The following PCYT1A variants were observed in gnomAD, a reference collection of about 807,000 sequenced individuals.
PCYT1A encodes the protein choline-phosphate cytidylyltransferase A.
A neutral mutation model predicts 43.7 loss-of-function variants in PCYT1A; 25 were observed. The observed-to-expected ratio is 0.57, with a 90% CI of 0.42 to 0.80. The LOEUF (loss-of-function observed/expected upper bound fraction) is 0.80. PCYT1A is among the 30% of genes least tolerant of loss of function. The pLI is 0.00. For synonymous variants in PCYT1A, 172 were observed against 170.7 expected (o/e 1.01, Z -0.06); for missense variants, 421 against 474.2 (o/e 0.89, Z 1.04).
intron 1 of PCYT1A, among the ~76,000 whole-genome samples, chr3:196,275,529 T>G (rs899815315): frequency 6.6e-6 from 1 of 151,640 alleles, no homozygotes; most frequent in African/African-American, 2.4e-5. Context: ...GGTCAAGAGA[T>G]CGAGACCATC....
intron 1 of PCYT1A, among the ~76,000 whole-genome samples, chr3:196,284,254 C>T (rs1450595860): frequency 2.0e-5 from 3 of 152,254 alleles, no homozygotes; most frequent in Admixed American, 6.5e-5. Flanking sequence ...TTTATTTGAG[C>T]ATTTCAAAAA....
Position 196,282,583 on chromosome 3 carries a change from T to C in PCYT1A, c.-11+5032A>G, listed in dbSNP as rs1431563600. On this transcript the variant is annotated intron_variant, in intron 1 of 8. Transcript: ENST00000431016. The surrounding 1 kb of genome is among the most constrained non-coding windows in gnomAD (Gnocchi z 4.3). Reference sequence around the variant, plus strand: ...TGGATATTTTCATACCATATCATACTTCTTAAATTTTGATAACTATATATC... The same window carrying C: ...TGGATATTTTCATACCATATCATACCTCTTAAATTTTGATAACTATATATC... Among the ~76,000 whole-genome samples, 1 of 152,238 alleles carries C rather than the reference T, an allele frequency of 6.6e-6. No homozygotes were observed. Among genetic ancestry groups the C allele is most frequent in the Non-Finnish European group, 1.5e-5 (1 of 68,040 alleles).
rs1487537529 is a variant in PCYT1A, at chr3:196,242,201, T to C, written c.566-111A>G. Reference sequence around the variant, plus strand: ...CCTTTCCTTTCCTCAAAAAGCAGAATCTGTTATTACTAAATGAAACTGAAA... The same window carrying C: ...CCTTTCCTTTCCTCAAAAAGCAGAACCTGTTATTACTAAATGAAACTGAAA... On this transcript the variant is annotated intron_variant, in intron 6 of 8. Coordinates refer to ENST00000431016, the MANE Select transcript of PCYT1A (RefSeq NM_001312673.2). The surrounding 1 kb of genome is among the most constrained non-coding windows in gnomAD (Gnocchi z 4.2). 17 of 1,084,214 alleles carry C rather than the reference T, an allele frequency of 1.6e-5. No homozygotes were observed. Among genetic ancestry groups the C allele is most frequent in the Non-Finnish European group, 1.9e-5 (14 of 723,084 alleles). The allele number at this position is 1,084,214 out of a possible 1,614,324, so 67.2% of individuals were successfully genotyped here.
intron 1 of PCYT1A, among the ~76,000 whole-genome samples, chr3:196,272,188 C>CTTTT (rs199851752): frequency 2.7e-5 from 3 of 110,124 alleles, no homozygotes; most frequent in African/African-American, 1.1e-4. Flanking sequence ...TCCTTCTTTC[C>CTTTT]TTTTTTTTTT....
At chr3:196,253,264 G>T (rs1457337275) in intron 3 of PCYT1A, among the ~76,000 whole-genome samples, 1 of 147,198 alleles carries the variant, frequency 6.8e-6, no homozygotes, top group Non-Finnish European at 1.5e-5. Context: ...TTGAACCCAG[G>T]AGGCAGAGGT....
At chr3:196,240,345 T>C (rs1374375579) in intron 7 of PCYT1A, among the ~76,000 whole-genome samples, 1 of 152,068 alleles carries the variant, frequency 6.6e-6, no homozygotes, top group Non-Finnish European at 1.5e-5. Context: ...ATAAGGAAAA[T>C]GGTATAAACC....
rs1724125463 is a variant in PCYT1A at position 196,235,128 on chromosome 3, A to G, written c.*3560T>C. On this transcript the variant is annotated 3_prime_UTR_variant, in exon 9 of 9. Coordinates refer to ENST00000431016, the MANE Select transcript of PCYT1A (RefSeq NM_001312673.2). The surrounding 1 kb of genome is among the most constrained non-coding windows in gnomAD (Gnocchi z 4.3). ...GATAAGTGATCTGGAACAGGATTAA[A>G]AAGGCAAAGAGCTCTTGAAAATAAG... 6.6e-6 allele frequency: 1 copy of G among 152,226 alleles called. No individual in the cohort carries two copies. Among genetic ancestry groups the G allele is most frequent in the Non-Finnish European group, 1.5e-5 (1 of 68,042 alleles). 9.4% of individuals were successfully genotyped at this position (152,226 alleles called of 1,614,324 possible). A position where few individuals can be genotyped will look rare whatever the true frequency, so the allele number is the denominator to read the frequency against.
In PCYT1A at chr3:196,234,417, TAACTC is replaced by T. The variant is rs757396617; in HGVS notation, c.*4266_*4270del. The T allele has an allele frequency of 3.9e-5, 6 of 152,114 alleles. No individual in the cohort carries two copies. Among genetic ancestry groups the T allele is most frequent in the Non-Finnish European group, 8.8e-5 (6 of 68,016 alleles). 9.4% of individuals were successfully genotyped at this position (152,114 alleles called of 1,614,324 possible). On this transcript the variant is annotated 3_prime_UTR_variant, in exon 9 of 9. Transcript: ENST00000431016. ...TTTGGCTAAAGAACAAAATCCAAAA[TAACTC>T]AGAACAAACTAAGAACAGACAGGAA...
At chr3:196,243,578 T>C (rs1466501176) in intron 5 of PCYT1A, among the ~76,000 whole-genome samples, 1 of 151,940 alleles carries the variant, frequency 6.6e-6, no homozygotes, top group Admixed American at 6.6e-5. Context: ...CTCCCTCTGA[T>C]GCCGAGCGGA....
chr3:196,253,751 T>C (rs1724870994), intron 3 of PCYT1A, among the ~76,000 whole-genome samples: 1 of 152,116 alleles, frequency 6.6e-6, no homozygotes, highest in South Asian at 2.1e-4. Context: ...AAACCCAGGC[T>C]GATATATTAA....
intron 1 of PCYT1A, among the ~76,000 whole-genome samples, chr3:196,272,450 C>T (rs1185108254): frequency 6.6e-6 from 1 of 152,200 alleles, no homozygotes; most frequent in African/African-American, 2.4e-5. Flanking sequence ...TCCAAAAGTG[C>T]TGAAATTACA....
At chr3:196,249,215 C>A (rs1489760711) in intron 3 of PCYT1A, among the ~76,000 whole-genome samples, 1 of 151,902 alleles carries the variant, frequency 6.6e-6, no homozygotes, top group African/African-American at 2.4e-5. Context: ...GATGTGGTCA[C>A]AGCTCACGGC....
intron 1 of PCYT1A, among the ~76,000 whole-genome samples, chr3:196,275,090 G>A (rs1290708472): frequency 6.6e-6 from 1 of 152,142 alleles, no homozygotes; most frequent in Non-Finnish European, 1.5e-5. Context: ...GTACTCTTCT[G>A]TAAGTATCTG....
chr3:196,264,776 C>T (rs112906932), intron 2 of PCYT1A, among the ~76,000 whole-genome samples: 47 of 152,248 alleles, frequency 3.1e-4, no homozygotes, highest in South Asian at 6.2e-4. Context: ...ACTTTTCATA[C>T]GTATCATAAT....
chr3:196,252,446 G>T lies in PCYT1A; in HGVS notation c.218-4123C>A, dbSNP rs140608033. Among the ~76,000 whole-genome samples, 149 of 152,154 alleles carry T rather than the reference G, an allele frequency of 9.8e-4. No homozygotes were observed. The highest frequency in any genetic ancestry group is 3.5e-3 in the African/African-American group (145 of 41,516). On this transcript the variant is annotated intron_variant, in intron 3 of 8. Coordinates refer to ENST00000431016, the MANE Select transcript of PCYT1A (RefSeq NM_001312673.2). This position sits in a 1 kb window ranked among gnomAD's most constrained non-coding sequence, Gnocchi z 4.0. ...TATTTTTATATTCGTATCCCATGTT[G>T]GCCAGGCTGGTCTCAATTTCCTGAC... is the stretch of plus-strand genomic sequence containing the variant.
chr3:196,244,501 C>A (rs1246069500), intron 5 of PCYT1A, among the ~76,000 whole-genome samples: 1 of 151,522 alleles, frequency 6.6e-6, no homozygotes, highest in Non-Finnish European at 1.5e-5. Context: ...GGCAGCCACC[C>A]CGTCCGGGAG....
chr3:196,246,516 G>A (rs370670800), intron 5 of PCYT1A, among the ~76,000 whole-genome samples: 1 of 152,084 alleles, frequency 6.6e-6, no homozygotes, highest in Admixed American at 6.5e-5. Flanking sequence ...GATTACAGGC[G>A]TGAGCCACTG....
chr3:196,276,097 C>CAA (rs768969878), intron 1 of PCYT1A, among the ~76,000 whole-genome samples: 7 of 68,224 alleles, frequency 1.0e-4, no homozygotes, highest in Admixed American at 1.6e-4. Context: ...ACTCCGTCTC[C>CAA]AAAAAAAAAA....
Position 196,235,720 on chromosome 3 carries a change from C to T in PCYT1A, c.*2968G>A, listed in dbSNP as rs1724141464. ...TCTCATCTTGGCCACATTTGGCCCA[C>T]CCATGTTGACTGCTTTCTCGTGTGT... On this transcript the variant is annotated 3_prime_UTR_variant, in exon 9 of 9. Transcript: ENST00000431016. The surrounding 1 kb of genome is among the most constrained non-coding windows in gnomAD (Gnocchi z 4.3). 1 of 152,274 alleles carries T rather than the reference C, an allele frequency of 6.6e-6. No homozygotes were observed. The highest frequency in any genetic ancestry group is 2.4e-5 in the African/African-American group (1 of 41,472). 9.4% of individuals were successfully genotyped at this position (152,274 alleles called of 1,614,324 possible).
Sources: allele counts gnomAD v4.1 joint callset (sites outside exome capture counted in the v4.1 genomes callset), GRCh38; gene constraint gnomAD v4.1.1; non-coding constraint Gnocchi (gnomAD v3.1); transcripts MANE v1.5; gene names NCBI Gene and HGNC (gene_info 2026-07-23, HGNC 2026-07-21).